The following LRPPRC variants were observed in gnomAD, a reference collection of about 807,000 sequenced individuals.
LRPPRC encodes the protein leucine rich pentatricopeptide repeat containing, also known as leucine-rich PPR motif-containing protein, mitochondrial.
In LRPPRC, 120 loss-of-function variants were observed where a neutral mutation model predicts 180.3. That is an observed-to-expected ratio of 0.67 (90% CI 0.57 to 0.77). The LOEUF is 0.77. Among genes scored for constraint, LRPPRC ranks in the 30% least tolerant of loss-of-function variants. LRPPRC has a pLI of 0.00. For missense variants in LRPPRC, 2,012 were observed against 1,657.2 expected (o/e 1.21, Z -3.72); for synonymous variants, 723 against 600.0 (o/e 1.21, Z -3.00).
chr2:43,957,549 T>C lies in LRPPRC; in HGVS notation c.1583-98A>G. ...ACATATTTATACCAATACCTTTTAG[T>C]TTTCATTTTGGAAATTGTATTTAAA... is the stretch of plus-strand genomic sequence containing the variant. On this transcript the variant is annotated intron_variant, in intron 13 of 37. Transcript: ENST00000260665. 3 of 879,582 alleles carry C rather than the reference T, an allele frequency of 3.4e-6. No homozygotes were observed. The South Asian group carries it at 4.4e-5, about 13-fold the overall frequency. 54.5% of individuals were successfully genotyped at this position (879,582 alleles called of 1,614,324 possible). A position where few individuals can be genotyped will look rare whatever the true frequency, so the allele number is the denominator to read the frequency against.
intron 27 of LRPPRC, among the ~76,000 whole-genome samples, chr2:43,922,956 T>C (rs1208988488): frequency 6.6e-6 from 1 of 152,044 alleles, no homozygotes; most frequent in East Asian, 1.9e-4. Flanking sequence ...TACTTCTCTA[T>C]AGGATTCCAC....
rs2103797558 is a variant in LRPPRC, at chr2:43,995,897, G to A, written c.51C>T (p.Ala17=). 6.6e-7 allele frequency: 1 copy of A among 1,512,106 alleles called. No homozygotes were observed. The allele number at this position is 1,512,106 out of a possible 1,614,324, so 93.7% of individuals were successfully genotyped here. Residue 17 remains alanine, a synonymous_variant, in exon 1 of 38, where the codon GCC becomes GCT. Coordinates refer to ENST00000260665, the MANE Select transcript of LRPPRC (RefSeq NM_133259.4). ...SARWLLRAGA[A]PRLPLSLRLL... is the part of the protein sequence containing the mutation. ...GGCGCAGGGAGAGCGGGAGGCGCGG[G>A]GCCGCCCCGGCACGCAGCAACCAAC...
intron 1 of LRPPRC, 51 bp downstream of exon 1, chr2:43,995,748 C>T: frequency 7.4e-7 from 1 of 1,345,422 alleles, no homozygotes. Context: ...CCCACGACCC[C>T]GGGGGACCCT....
chr2:43,935,605 A>T (rs1263935951), intron 23 of LRPPRC, among the ~76,000 whole-genome samples: 5 of 152,198 alleles, frequency 3.3e-5, no homozygotes, highest in Admixed American at 2.0e-4. Context: ...CACTGTCATT[A>T]AATCAGTTTC....
chr2:43,969,086 T>C (rs1380377027), intron 11 of LRPPRC, among the ~76,000 whole-genome samples: 1 of 152,162 alleles, frequency 6.6e-6, no homozygotes, highest in Non-Finnish European at 1.5e-5. Flanking sequence ...ATAAAGTAAT[T>C]TCTCCAAGAT....
intron 15 of LRPPRC, among the ~76,000 whole-genome samples, chr2:43,950,350 G>A (rs1467876954): frequency 6.6e-6 from 1 of 152,080 alleles, no homozygotes; most frequent in Admixed American, 6.6e-5. Context: ...GCATCCATTA[G>A]CTATTCTTCC....
chr2:43,898,743 G>T (rs1047271468), intron 34 of LRPPRC, among the ~76,000 whole-genome samples: 7 of 152,108 alleles, frequency 4.6e-5, no homozygotes, highest in Admixed American at 4.6e-4. Flanking sequence ...CCTTGAATAA[G>T]GCACTGAGAA....
chr2:43,980,925 CAGAG>C (rs912568395), intron 2 of LRPPRC, among the ~76,000 whole-genome samples: 23 of 152,040 alleles, frequency 1.5e-4, no homozygotes, highest in African/African-American at 5.3e-4. Flanking sequence ...ATAAATAAGT[CAGAG>C]AGAGAATGTG....
upstream of LRPPRC, chr2:43,996,017 A>G (rs1414923483): frequency 6.7e-7 from 1 of 1,488,876 alleles, no homozygotes; most frequent in South Asian, 1.2e-5. Flanking sequence ...ACCGCAGGGT[A>G]GCCTGGCGCG....
chr2:43,887,420 G>A lies in LRPPRC; in HGVS notation c.*1180C>T, dbSNP rs1184743839. 6.6e-6 allele frequency: 1 copy of A among 152,218 alleles called. No individual in the cohort carries two copies. The highest frequency in any genetic ancestry group is 1.5e-5 in the Non-Finnish European group (1 of 68,084). The allele number at this position is 152,218 out of a possible 1,614,324, so 9.4% of individuals were successfully genotyped here. On this transcript the variant is annotated 3_prime_UTR_variant, in exon 38 of 38. Transcript: ENST00000260665. ...AGATGCAGGAGAGAGAGTTCCACAA[G>A]ACAGAAGGTCAACAGCACAAGTTGC...
intron 5 of LRPPRC, among the ~76,000 whole-genome samples, 158 bp from the exon 6 acceptor site, chr2:43,976,387 C>T (rs1345467994): frequency 1.3e-5 from 2 of 151,898 alleles, no homozygotes; most frequent in East Asian, 3.8e-4. Flanking sequence ...CCCTTTGATC[C>T]CCTTCCCACA....
intron 23 of LRPPRC, among the ~76,000 whole-genome samples, chr2:43,935,191 G>A (rs1482254213): frequency 6.6e-6 from 1 of 152,144 alleles, no homozygotes; most frequent in Non-Finnish European, 1.5e-5. Context: ...TGTAAATTCT[G>A]ACTTTATGTA....
chr2:43,915,236 A>ACACACACT (rs1553395361), intron 29 of LRPPRC, among the ~76,000 whole-genome samples: 47 of 47,906 alleles, frequency 9.8e-4, no homozygotes, highest in Admixed American at 1.5e-3. Context: ...TCTCTCTCAC[A>ACACACACT]CACACACACA....
At chr2:43,944,819 A>G (rs1558984681) in intron 22 of LRPPRC, among the ~76,000 whole-genome samples, 1 of 152,128 alleles carries the variant, frequency 6.6e-6, no homozygotes, top group Non-Finnish European at 1.5e-5. Flanking sequence ...CTGTGTAATC[A>G]GCTATGCTTT....
At chr2:43,957,975 T>C (rs1240361626) in intron 13 of LRPPRC, among the ~76,000 whole-genome samples, 1 of 152,202 alleles carries the variant, frequency 6.6e-6, no homozygotes, top group African/African-American at 2.4e-5. Context: ...AATAATAAAA[T>C]AGGTCATACG....
At chr2:43,934,546 G>C (rs1268885198) in intron 24 of LRPPRC, among the ~76,000 whole-genome samples, 1 of 151,738 alleles carries the variant, frequency 6.6e-6, no homozygotes. Flanking sequence ...AAAAATAACA[G>C]ACATTTTTTC....
At chr2:43,992,009 G>A (rs892944293) in intron 1 of LRPPRC, among the ~76,000 whole-genome samples, 2 of 152,140 alleles carry the variant, frequency 1.3e-5, no homozygotes, top group Admixed American at 6.5e-5. Flanking sequence ...TAAACACCAG[G>A]GAAAGCAAAA....
intron 1 of LRPPRC, among the ~76,000 whole-genome samples, chr2:43,995,382 C>G (rs1674987078): frequency 6.6e-6 from 1 of 152,202 alleles, no homozygotes; most frequent in African/African-American, 2.4e-5. Context: ...AGCTAAATTT[C>G]CAATATCTAA....
At chr2:43,917,068 G>C (rs1432899497) in intron 29 of LRPPRC, among the ~76,000 whole-genome samples, 2 of 136,206 alleles carry the variant, frequency 1.5e-5, no homozygotes. Context: ...TTGAGACGGA[G>C]TCTTACTCTG....
Sources: allele counts gnomAD v4.1 joint callset (sites outside exome capture counted in the v4.1 genomes callset), GRCh38; gene constraint gnomAD v4.1.1; transcripts MANE v1.5; gene names NCBI Gene and HGNC (gene_info 2026-07-23, HGNC 2026-07-21).